Variants in FTCDNL1 observed in about 807,000 individuals in gnomAD.
The protein encoded by FTCDNL1 is formiminotransferase cyclodeaminase N-terminal like, also known as formiminotransferase N-terminal subdomain-containing protein.
Under a neutral mutation model 5.9 loss-of-function variants are expected in FTCDNL1, and 11 were observed. The ratio of observed to expected loss-of-function variants is 1.87; its 90% CI spans 1.18 to 3.10. The LOEUF is 3.10. Ranked by LOEUF, FTCDNL1 falls within the 30% of genes most tolerant of loss-of-function variation. FTCDNL1 has a pLI of 0.00. For synonymous variants in FTCDNL1, 58 were observed against 24.8 expected, an observed-to-expected ratio of 2.34 and a Z score of -3.99; for missense variants, 115 against 65.5, an observed-to-expected ratio of 1.76 and a Z score of -2.61.
chr2:199,739,096 T>G, the FTCDNL1 span, among the ~76,000 whole-genome samples: 1 of 152,120 alleles, frequency 6.6e-6, no homozygotes, highest in Non-Finnish European at 1.5e-5. Flanking sequence ...CCTGGAAAAA[T>G]AATGTTAAAT....
the FTCDNL1 span, among the ~76,000 whole-genome samples, chr2:199,668,548 C>T: frequency 6.6e-6 from 1 of 152,080 alleles, no homozygotes; most frequent in Non-Finnish European, 1.5e-5. Flanking sequence ...TAAGGCAGGA[C>T]TGCTGTATTC....
At chr2:199,663,886 T>C in the FTCDNL1 span, among the ~76,000 whole-genome samples, 1 of 152,156 alleles carries the variant, frequency 6.6e-6, no homozygotes, top group East Asian at 1.9e-4. Flanking sequence ...AAGTGTTCTT[T>C]AGAATTTTTC....
In FTCDNL1 at chr2:199,848,903, G is replaced by T. The variant is rs1454424260; in HGVS notation, c.60C>A (p.Ala20=). ...TGTTCTCAACAATGTATTTTCTTCC[G>T]GCTTCTGAAACGTTTAGTAAACAGG... is the stretch of plus-strand genomic sequence containing the variant. ...LAACLLNVSE[A]GRKYIVENIA... is the part of the protein sequence containing the mutation. Residue 20 remains alanine, a synonymous_variant, in exon 2 of 5, where the codon GCC becomes GCA. Transcript: ENST00000420128. 1 of 702,080 alleles carries T rather than the reference G, an allele frequency of 1.4e-6. No homozygotes were observed. The highest frequency in any genetic ancestry group is 2.6e-6 in the Non-Finnish European group (1 of 384,744). 43.5% of individuals were successfully genotyped at this position (702,080 alleles called of 1,614,324 possible).
intron 3 of FTCDNL1, among the ~76,000 whole-genome samples, chr2:199,798,860 A>G (rs1009938876): frequency 2.0e-5 from 3 of 152,248 alleles, no homozygotes; most frequent in South Asian, 2.1e-4. Flanking sequence ...GAAAACCACA[A>G]TGTAAATGCT....
the FTCDNL1 span, among the ~76,000 whole-genome samples, chr2:199,676,533 T>C: frequency 1.3e-5 from 2 of 151,866 alleles, no homozygotes; most frequent in Non-Finnish European, 2.9e-5. Flanking sequence ...TTTACACTTA[T>C]TTATCAATAT....
At chr2:199,798,590 CCTT>C (rs1311512386) in intron 3 of FTCDNL1, among the ~76,000 whole-genome samples, 2 of 152,140 alleles carry the variant, frequency 1.3e-5, no homozygotes, top group African/African-American at 4.8e-5. Context: ...GTAGCATGAC[CCTT>C]CTTCTCATCC....
At chr2:199,677,357 C>T in the FTCDNL1 span, among the ~76,000 whole-genome samples, 1 of 152,138 alleles carries the variant, frequency 6.6e-6, no homozygotes, top group African/African-American at 2.4e-5. Flanking sequence ...GTATACTATT[C>T]ATTTAAATCT....
chr2:199,829,523 C>T (rs1242523541), intron 3 of FTCDNL1, among the ~76,000 whole-genome samples: 3 of 152,068 alleles, frequency 2.0e-5, no homozygotes, highest in Non-Finnish European at 4.4e-5. Flanking sequence ...ATTCATAACA[C>T]AAATGTCTTT....
intron 3 of FTCDNL1, among the ~76,000 whole-genome samples, chr2:199,771,180 G>T (rs763775517): frequency 1.2e-4 from 19 of 152,170 alleles, no homozygotes; most frequent in Non-Finnish European, 2.6e-4. Flanking sequence ...ATTAGCAACT[G>T]ATGACACCAT....
intron 3 of FTCDNL1, among the ~76,000 whole-genome samples, chr2:199,780,940 G>A (rs573498972): frequency 6.6e-6 from 1 of 152,236 alleles, no homozygotes; most frequent in South Asian, 2.1e-4. Flanking sequence ...GGGAACCAAG[G>A]TGTCTAACCC....
In FTCDNL1 at chr2:199,842,036, A is replaced by G. The variant is rs188273853; in HGVS notation, c.211+4039T>C. On this transcript the variant is annotated intron_variant, in intron 3 of 4. Coordinates refer to ENST00000420128, the MANE Select transcript of FTCDNL1 (RefSeq NM_001363886.2). ...CACTTTGGGAGGCCGAGGCCGGCAG[A>G]TTGCTTGAGGTCAGGAGTTCAAGAC... Among the ~76,000 whole-genome samples, 131 of 152,112 alleles carry G rather than the reference A, an allele frequency of 8.6e-4. 1 individual carries two copies. The highest frequency in any genetic ancestry group is 8.4e-4 in the Non-Finnish European group (57 of 67,988).
intron 3 of FTCDNL1, among the ~76,000 whole-genome samples, chr2:199,788,660 G>A (rs1340368617): frequency 6.6e-6 from 1 of 151,682 alleles, no homozygotes; most frequent in Non-Finnish European, 1.5e-5. Context: ...TAAACTTAAA[G>A]AAACTAGGAA....
rs1254275866 is a variant in FTCDNL1, at chr2:199,810,856, T to C, written c.*1849A>G. ...ATTATTTTACTGTCATTACTTTTTC[T>C]TGCTACTTTCAAACTTATTGCTCCT... On this transcript the variant is annotated 3_prime_UTR_variant, in exon 5 of 5. Transcript: ENST00000420128. 2.0e-5 allele frequency among the ~76,000 whole-genome samples: 3 copies of C among 152,210 alleles called. No homozygotes were observed. Among genetic ancestry groups the C allele is most frequent in the Non-Finnish European group, 1.5e-5 (1 of 68,024 alleles).
rs1574431662 is a variant in FTCDNL1 at position 199,760,550 on chromosome 2, CAG to C, written c.*261_*262del. The C allele has an allele frequency of 6.9e-6, 3 of 436,704 alleles. No individual in the cohort carries two copies. The East Asian group carries it at 1.1e-4, about 16-fold the overall frequency. The allele number at this position is 436,704 out of a possible 1,614,324, so 27.1% of individuals were successfully genotyped here. A position where few individuals can be genotyped will look rare whatever the true frequency, so the allele number is the denominator to read the frequency against. On this transcript the variant is annotated 3_prime_UTR_variant, in exon 4 of 4. Transcript: ENST00000416668. ...TTATAAACAAATTATTTTTGAAAAA[CAG>C]AGTTAAACACTTTTTATTGTATATC...
chr2:199,730,666 T>A, the FTCDNL1 span, among the ~76,000 whole-genome samples: 1 of 152,196 alleles, frequency 6.6e-6, no homozygotes, highest in Non-Finnish European at 1.5e-5. Flanking sequence ...CAAGTTAGAA[T>A]GGCAATCATT....
intron 3 of FTCDNL1, among the ~76,000 whole-genome samples, chr2:199,777,225 G>A (rs1231741430): frequency 6.6e-6 from 1 of 151,984 alleles, no homozygotes; most frequent in Non-Finnish European, 1.5e-5. Context: ...CCCAGGAGGC[G>A]GAGATTGTAG....
chr2:199,819,738 C>T lies in FTCDNL1; in HGVS notation c.231G>A (p.Val77=), dbSNP rs756305762. The T allele has an allele frequency of 2.8e-6, 2 of 701,858 alleles. No homozygotes were observed. The highest frequency in any genetic ancestry group is 2.0e-5 in the Admixed American group (1 of 49,964). 43.5% of individuals were successfully genotyped at this position (701,858 alleles called of 1,614,324 possible). A position where few individuals can be genotyped will look rare whatever the true frequency, so the allele number is the denominator to read the frequency against. The change falls in exon 4 of 5, where the codon GTG becomes GTA. Residue 77 remains valine (V), a synonymous_variant. Transcript: ENST00000420128. The part of the protein sequence containing the change: ...VDKLGLAEDL[V]LHVPGCSVFL... ...ACACGCTGCAGCCAGGAACATGCAG[C>T]ACCAGATCCTCAGCAAGGCCTGTGG...
chr2:199,764,882 C>T (rs1410590229), intron 3 of FTCDNL1, among the ~76,000 whole-genome samples: 2 of 152,152 alleles, frequency 1.3e-5, no homozygotes, highest in East Asian at 3.9e-4. Flanking sequence ...TCCCCCTGAC[C>T]CAGGCATTCA....
chr2:199,670,446 T>A, the FTCDNL1 span, among the ~76,000 whole-genome samples: 2 of 152,178 alleles, frequency 1.3e-5, no homozygotes, highest in Admixed American at 6.5e-5. Context: ...ATCAGTTTTG[T>A]CTAGGATCAA....
Sources: allele counts gnomAD v4.1 joint callset (sites outside exome capture counted in the v4.1 genomes callset), GRCh38; gene constraint gnomAD v4.1.1; transcripts MANE v1.5; gene names NCBI Gene and HGNC (gene_info 2026-07-23, HGNC 2026-07-21).